Variants in SYNE1 observed in about 807,000 individuals in gnomAD.
SYNE1 encodes nesprin-1.
Under a neutral mutation model 1,111.0 loss-of-function variants are expected in SYNE1, and 616 were observed. That is an observed-to-expected ratio of 0.55 (90% CI 0.52 to 0.59). SYNE1 has a LOEUF of 0.59. SYNE1 is among the 20% of genes least tolerant of loss of function. The pLI is 0.00. For missense variants in SYNE1, 10,006 were observed against 10,417.0 expected, an observed-to-expected ratio of 0.96 and a Z score of 1.72; for synonymous variants, 3,855 against 3,825.8, an observed-to-expected ratio of 1.01 and a Z score of -0.28.
intron 22 of SYNE1, 42 bp from the exon 23 acceptor site, chr6:152,456,086 C>T (rs2098693836): frequency 6.3e-7 from 1 of 1,596,714 alleles, no homozygotes; most frequent in South Asian, 1.1e-5. Context: ...ATTTACAAGA[C>T]AGAGTGAGAG....
Position 152,155,774 on chromosome 6 carries a change from A to G in SYNE1, c.23978+136T>C, listed in dbSNP as rs1199984685. On this transcript the variant is annotated intron_variant, in intron 132 of 145. Coordinates refer to ENST00000367255, the MANE Select transcript of SYNE1 (RefSeq NM_182961.4). ...TTATTTTCCCAACTAAATGTAGACA[A>G]TAGTAAGTTTGGGAAGCCACAGCTA... 1.1e-5 allele frequency: 11 copies of G among 1,009,630 alleles called. No individual in the cohort carries two copies. The East Asian group carries it at 2.6e-4, about 24-fold the overall frequency. The allele number at this position is 1,009,630 out of a possible 1,614,324, so 62.5% of individuals were successfully genotyped here.
intron 6 of SYNE1, among the ~76,000 whole-genome samples, chr6:152,518,474 G>A (rs547543875): frequency 2.0e-5 from 3 of 151,968 alleles, no homozygotes; most frequent in Non-Finnish European, 2.9e-5. Context: ...GCCATGTGAC[G>A]TCCCTGCTCC....
intron 93 of SYNE1, 32 bp downstream of exon 93, chr6:152,300,609 T>C: frequency 6.2e-7 from 1 of 1,613,918 alleles, no homozygotes; most frequent in Non-Finnish European, 8.5e-7. Flanking sequence ...TGCCCAGAGA[T>C]TATTGCTAGA....
Position 152,343,179 on chromosome 6 carries a change from G to A in SYNE1, c.12225+902C>T, listed in dbSNP as rs551058074. On this transcript the variant is annotated intron_variant, in intron 74 of 145. Transcript: ENST00000367255. ...TTCTTTTTTTTTTTTTTGAGACAGA[G>A]TCTCACTCTGGTGCCCAGGCTGGAG... 3.4e-3 allele frequency among the ~76,000 whole-genome samples: 501 copies of A among 145,638 alleles called. 3 individuals carry two copies. The highest frequency in any genetic ancestry group is 0.012 in the African/African-American group (478 of 39,286).
rs190911205 is a variant in SYNE1 at position 152,485,399 on chromosome 6, C to G, written c.1048-427G>C. Among the ~76,000 whole-genome samples, 228 of 152,182 alleles carry G rather than the reference C, an allele frequency of 1.5e-3. 1 individual carries two copies. Among genetic ancestry groups the G allele is most frequent in the African/African-American group, 5.4e-3 (223 of 41,534 alleles). On this transcript the variant is annotated intron_variant, in intron 12 of 145. Coordinates refer to ENST00000367255, the MANE Select transcript of SYNE1 (RefSeq NM_182961.4). Reference sequence around the variant, plus strand: ...CAAGATAGTTGCTTTACTTCAAGTACCAAACAATTTACAAATAGAAATTGC... The same window carrying G: ...CAAGATAGTTGCTTTACTTCAAGTAGCAAACAATTTACAAATAGAAATTGC...
chr6:152,354,205 G>T (rs528596688), intron 67 of SYNE1, among the ~76,000 whole-genome samples: 1 of 152,080 alleles, frequency 6.6e-6, no homozygotes, highest in African/African-American at 2.4e-5. Context: ...ACCTCCTATT[G>T]TACCTAGATC....
intron 87 of SYNE1, among the ~76,000 whole-genome samples, chr6:152,311,866 C>T (rs923501434): frequency 6.6e-6 from 1 of 152,114 alleles, no homozygotes; most frequent in Non-Finnish European, 1.5e-5. Flanking sequence ...AGCTCCGCCT[C>T]CCGGGTTCAC....
At chr6:152,138,858 A>G (rs1335089118) in intron 140 of SYNE1, among the ~76,000 whole-genome samples, 2 of 152,234 alleles carry the variant, frequency 1.3e-5, no homozygotes, top group Non-Finnish European at 2.9e-5. Flanking sequence ...TTTAAGATCT[A>G]GAGCTGGAGT....
intron 98 of SYNE1, among the ~76,000 whole-genome samples, chr6:152,275,880 C>CA (rs756837860): frequency 0.015 from 1,310 of 86,680 alleles, 6 homozygotes; most frequent in Non-Finnish European, 0.018. Flanking sequence ...GACCCTGTCT[C>CA]AAAAAAAAAA....
At chr6:152,538,152 A>G (rs1305538141) in intron 4 of SYNE1, among the ~76,000 whole-genome samples, 1 of 152,206 alleles carries the variant, frequency 6.6e-6, no homozygotes, top group Admixed American at 6.6e-5. Context: ...CTTAGAATAT[A>G]TTAAAATCAT....
At chr6:152,345,640 A>T (rs1408549342) in intron 73 of SYNE1, among the ~76,000 whole-genome samples, 1 of 152,064 alleles carries the variant, frequency 6.6e-6, no homozygotes, top group Non-Finnish European at 1.5e-5. Flanking sequence ...TATTATGGTG[A>T]ACATGGACCA....
intron 3 of SYNE1, among the ~76,000 whole-genome samples, chr6:152,578,437 A>T (rs2099508743): frequency 6.6e-6 from 1 of 152,162 alleles, no homozygotes; most frequent in Admixed American, 6.5e-5. Context: ...TCCACAAAAA[A>T]TACAAAAATT....
At chr6:152,597,226 C>A (rs767731013) in intron 3 of SYNE1, among the ~76,000 whole-genome samples, 2 of 152,158 alleles carry the variant, frequency 1.3e-5, no homozygotes, top group Admixed American at 6.5e-5. Flanking sequence ...ATTAAATAGA[C>A]GTGCATCTTA....
In SYNE1 at chr6:152,442,200, G is replaced by A. The variant is rs750865008; in HGVS notation, c.3883C>T (p.Gln1295Ter). Residue 1295 changes from glutamine to a stop codon, truncating the protein, a stop_gained, in exon 31 of 146, where the codon CAG (glutamine) becomes TAG (stop). Transcript: ENST00000367255. LOFTEE classifies it high-confidence loss of function. ...TCTCCCTGCTGCGCCTGCGCGATCT[G>A]CTGCTGCACATCTCTCTTCTTTGCT... ...ISAKKRDVQQ[Q>*]IAQAQQGEGG... is the part of the protein sequence containing the mutation. The A allele has an allele frequency of 1.9e-6, 3 of 1,613,566 alleles. No individual in the cohort carries two copies. Among genetic ancestry groups the A allele is most frequent in the Non-Finnish European group, 2.5e-6 (3 of 1,180,042 alleles).
chr6:152,332,243 G>A (rs2096266639), intron 77 of SYNE1, among the ~76,000 whole-genome samples: 1 of 152,138 alleles, frequency 6.6e-6, no homozygotes, highest in Non-Finnish European at 1.5e-5. Flanking sequence ...CAAAGTGCTA[G>A]GATTACAGGC....
chr6:152,328,478 T>C (rs1263045361), intron 78 of SYNE1, among the ~76,000 whole-genome samples: 1 of 151,932 alleles, frequency 6.6e-6, no homozygotes, highest in African/African-American at 2.4e-5. Context: ...TGATCTCGGC[T>C]CACTGCAACC....
intron 55 of SYNE1, 106 bp downstream of exon 55, chr6:152,385,568 A>T (rs1011596818): frequency 7.5e-7 from 1 of 1,339,078 alleles, no homozygotes; most frequent in African/African-American, 1.5e-5. Context: ...AATAGAAAAC[A>T]GGAAGGAAAC....
Position 152,239,477 on chromosome 6 carries a change from G to T in SYNE1, c.20067+56C>A, listed in dbSNP as rs370566523. On this transcript the variant is annotated intron_variant, in intron 108 of 145. Transcript: ENST00000367255. ...TGGATAGATACATCTTGCATTAAAG[G>T]TCTATTTTGCAGCAGGAAGTTTGCA... 6.7e-4 allele frequency: 1,078 copies of T among 1,603,306 alleles called. 6 individuals carry two copies. In the African/African-American group the frequency reaches 0.013, roughly 19 times the overall value.
intron 3 of SYNE1, among the ~76,000 whole-genome samples, chr6:152,568,289 CTTTTTTTTTTTTTTT>C (rs10601350): frequency 1.2e-5 from 1 of 80,310 alleles, no homozygotes; most frequent in Admixed American, 1.7e-4. Context: ...TTATTTTATT[CTTTTTTTTTTTTTTT>C]TTTTTTTTTT....
Sources: gnomAD v4.1 joint callset for allele counts (sites outside exome capture counted in the v4.1 genomes callset) on GRCh38, gnomAD v4.1.1 for gene constraint, MANE v1.5 for transcripts, NCBI Gene and HGNC (gene_info 2026-07-23, HGNC 2026-07-21) for gene names.